MSI2: variants seen among roughly 807,000 people sequenced by gnomAD.
MSI2 encodes the protein musashi RNA binding protein 2.
A neutral mutation model predicts 45.6 loss-of-function variants in MSI2; 17 were observed. That is an observed-to-expected ratio of 0.37 (90% CI 0.26 to 0.56). The LOEUF is 0.56. Among genes scored for constraint, MSI2 ranks in the 20% least tolerant of loss-of-function variants. The pLI, the probability that MSI2 is intolerant of heterozygous loss-of-function variation, is 0.77. For missense variants in MSI2, 293 were observed against 444.2 expected, an observed-to-expected ratio of 0.66 and a Z score of 3.06; for synonymous variants, 156 against 158.2, an observed-to-expected ratio of 0.99 and a Z score of 0.11.
chr17:57,293,340 T>C (rs1910603894), intron 5 of MSI2, among the ~76,000 whole-genome samples: 1 of 151,952 alleles, frequency 6.6e-6, no homozygotes, highest in African/African-American at 2.4e-5. Flanking sequence ...CATTCCAGCA[T>C]GGGAGGCGGG....
intron 5 of MSI2, among the ~76,000 whole-genome samples, chr17:57,353,330 C>T (rs868719787): frequency 1.3e-4 from 20 of 152,258 alleles, no homozygotes; most frequent in African/African-American, 4.8e-4. Flanking sequence ...GTAAAGCAGG[C>T]ATGGCTGTGA....
chr17:57,680,768 T>TTG lies in MSI2; in HGVS notation c.*1251_*1252insTG, dbSNP rs976028434. The TTG allele has an allele frequency of 1.3e-5, 1 of 76,584 alleles. No homozygotes were observed. The highest frequency in any genetic ancestry group is 2.5e-5 in the Non-Finnish European group (1 of 40,288). 4.7% of individuals were successfully genotyped at this position (76,584 alleles called of 1,614,324 possible). The stretch of plus-strand genomic sequence containing the variant: ...CTGTTTGGCTTGGGTGGGGGTGGGG[T>TTG]GGGGGGGACATTCTTTTTCAGTCTT... On this transcript the variant is annotated 3_prime_UTR_variant, in exon 14 of 14. Transcript: ENST00000284073.
At chr17:57,376,948 T>A (rs2083507872) in intron 5 of MSI2, among the ~76,000 whole-genome samples, 1 of 141,664 alleles carries the variant, frequency 7.1e-6, no homozygotes, top group African/African-American at 2.7e-5. Context: ...TGAGACGGAG[T>A]CTCGCTCTGT....
At chr17:57,526,660 G>A (rs899950707) in intron 6 of MSI2, among the ~76,000 whole-genome samples, 2 of 152,008 alleles carry the variant, frequency 1.3e-5, no homozygotes, top group East Asian at 1.9e-4. Context: ...GATTTCCATC[G>A]CATTGATGGC....
At chr17:57,442,072 C>T (rs756441132) in intron 6 of MSI2, among the ~76,000 whole-genome samples, 4 of 149,614 alleles carry the variant, frequency 2.7e-5, no homozygotes, top group Non-Finnish European at 4.4e-5. Context: ...GAGTCTTGCT[C>T]TGTCTCCAGG....
In MSI2 at chr17:57,682,871, T is replaced by A; in HGVS notation, c.*3354T>A. On this transcript the variant is annotated 3_prime_UTR_variant, in exon 14 of 14. Transcript: ENST00000284073. The stretch of plus-strand genomic sequence containing the variant: ...CTCCTCCCAAGCAGAGGCGAGTGAG[T>A]GGCATTAGCTCCCGGACCCATTCCC... The A allele has an allele frequency of 4.4e-6, 1 of 224,962 alleles. No homozygotes were observed. The highest frequency in any genetic ancestry group is 6.4e-5 in the East Asian group (1 of 15,660). The allele number at this position is 224,962 out of a possible 1,614,324, so 13.9% of individuals were successfully genotyped here.
chr17:57,379,934 T>G (rs1276475505), intron 5 of MSI2, among the ~76,000 whole-genome samples: 1 of 152,230 alleles, frequency 6.6e-6, no homozygotes, highest in Admixed American at 6.5e-5. Flanking sequence ...TTCTTTTCTT[T>G]CTTTTTTTTG....
At position 57,407,675 on chromosome 17, in the gene MSI2, G is replaced by GC. The variant is rs2084109791; in HGVS notation, c.405+6204_405+6205insC. Among the ~76,000 whole-genome samples the GC allele has an allele frequency of 6.6e-6, 1 of 152,198 alleles. No homozygotes were observed. The highest frequency in any genetic ancestry group is 1.5e-5 in the Non-Finnish European group (1 of 68,036). ...GTCCTCTGCTCCACCTTTTTCTGGA[G>GC]AGCCTGGGTGTTGCCCTTCAGACCT... is the stretch of plus-strand genomic sequence containing the variant. On this transcript the variant is annotated intron_variant, in intron 6 of 13. Coordinates refer to ENST00000284073, the MANE Select transcript of MSI2 (RefSeq NM_138962.4). This position sits in a 1 kb window ranked among gnomAD's most constrained non-coding sequence, Gnocchi z 4.1.
chr17:57,478,506 G>A (rs1188630934), intron 6 of MSI2, among the ~76,000 whole-genome samples: 2 of 152,122 alleles, frequency 1.3e-5, no homozygotes, highest in African/African-American at 2.4e-5. Context: ...CCTGAAGCAC[G>A]CATTGTACTA....
chr17:57,609,989 G>A (rs1907066182), intron 8 of MSI2, among the ~76,000 whole-genome samples: 2 of 152,172 alleles, frequency 1.3e-5, no homozygotes, highest in South Asian at 2.1e-4. Flanking sequence ...TGCTCCGTGG[G>A]ATGGATATAT....
At chr17:57,272,465 T>G (rs946817877) in intron 5 of MSI2, among the ~76,000 whole-genome samples, 2 of 152,194 alleles carry the variant, frequency 1.3e-5, no homozygotes, top group Non-Finnish European at 2.9e-5. Flanking sequence ...AGAAAACCTG[T>G]TGGTGTACAG....
chr17:57,366,260 T>C (rs1039281649), intron 5 of MSI2, among the ~76,000 whole-genome samples: 1 of 152,206 alleles, frequency 6.6e-6, no homozygotes, highest in African/African-American at 2.4e-5. Flanking sequence ...TGAGGTGGAC[T>C]GAAGGTAAAT....
chr17:57,392,988 A>G (rs1366993596), intron 5 of MSI2, among the ~76,000 whole-genome samples: 1 of 152,138 alleles, frequency 6.6e-6, no homozygotes, highest in Non-Finnish European at 1.5e-5. Flanking sequence ...ACCACAGTCA[A>G]TTTTAGAGCA....
chr17:57,687,242 G>A (rs1223568606), downstream of MSI2, among the ~76,000 whole-genome samples: 17 of 132,914 alleles, frequency 1.3e-4, no homozygotes, highest in Non-Finnish European at 2.4e-4. Flanking sequence ...TTTTGGGGGA[G>A]GTGAAGGAAT....
chr17:57,553,222 C>T (rs1279744918), intron 7 of MSI2, among the ~76,000 whole-genome samples: 1 of 152,172 alleles, frequency 6.6e-6, no homozygotes, highest in East Asian at 1.9e-4. Flanking sequence ...GGCTCATGGG[C>T]ACAGAGCACT....
intron 7 of MSI2, among the ~76,000 whole-genome samples, chr17:57,588,184 G>A (rs546591853): frequency 6.6e-5 from 10 of 152,128 alleles, no homozygotes; most frequent in South Asian, 4.1e-4. Flanking sequence ...CGCATCCATC[G>A]CGGGCTTGTT....
At chr17:57,667,195 G>A (rs1345972026) in intron 11 of MSI2, among the ~76,000 whole-genome samples, 1 of 152,206 alleles carries the variant, frequency 6.6e-6, no homozygotes, top group Non-Finnish European at 1.5e-5. Flanking sequence ...AGGTTCCGGG[G>A]AGCCTCCTTG....
At chr17:57,631,911 C>T (rs938195701) in intron 10 of MSI2, 43 of 1,574,430 alleles carry the variant, frequency 2.7e-5, no homozygotes, top group East Asian at 1.1e-4. Context: ...GGGCTGCCCC[C>T]GCTCCAGTCA....
At chr17:57,338,449 A>G (rs993424696) in intron 5 of MSI2, among the ~76,000 whole-genome samples, 3 of 152,232 alleles carry the variant, frequency 2.0e-5, no homozygotes, top group African/African-American at 7.2e-5. Flanking sequence ...GTGCAATGGC[A>G]CGATCTAGGC....
Sources: allele counts gnomAD v4.1 joint callset (sites outside exome capture counted in the v4.1 genomes callset), GRCh38; gene constraint gnomAD v4.1.1; non-coding constraint Gnocchi (gnomAD v3.1); transcripts MANE v1.5; gene names NCBI Gene and HGNC (gene_info 2026-07-23, HGNC 2026-07-21).